The following FAM193A variants were observed in gnomAD, a reference collection of about 807,000 sequenced individuals.
FAM193A encodes family with sequence similarity 193 member A.
A neutral mutation model predicts 126.5 loss-of-function variants in FAM193A; 22 were observed. That is an observed-to-expected ratio of 0.17 (90% CI 0.12 to 0.25). FAM193A has a LOEUF of 0.25. Among genes scored for constraint, FAM193A ranks in the 10% least tolerant of loss-of-function variants. The pLI is 1.00. For synonymous variants in FAM193A, 761 were observed against 646.8 expected, an observed-to-expected ratio of 1.18 and a Z score of -2.68; for missense variants, 1,675 against 1,672.8, an observed-to-expected ratio of 1.00 and a Z score of -0.02.
intron 13 of FAM193A, among the ~76,000 whole-genome samples, chr4:2,689,009 G>A (rs550304167): frequency 6.6e-6 from 1 of 152,236 alleles, no homozygotes; most frequent in Non-Finnish European, 1.5e-5. Context: ...CTTTGAGAAC[G>A]CCCTGGTCTT....
chr4:2,562,608 C>G (rs1265292526), intron 1 of FAM193A, among the ~76,000 whole-genome samples: 1 of 151,974 alleles, frequency 6.6e-6, no homozygotes, highest in Non-Finnish European at 1.5e-5. Context: ...GCACCCACCC[C>G]CCAACTTGAT....
At chr4:2,642,797 A>G (rs201686399) in intron 6 of FAM193A, among the ~76,000 whole-genome samples, 75 of 146,940 alleles carry the variant, frequency 5.1e-4, no homozygotes, top group East Asian at 1.2e-3. Context: ...CAGTGGTGAG[A>G]TCTTGGCTCA....
At chr4:2,599,418 G>T (rs1374797399) in intron 2 of FAM193A, among the ~76,000 whole-genome samples, 6 of 152,066 alleles carry the variant, frequency 3.9e-5, no homozygotes, top group Non-Finnish European at 7.4e-5. Flanking sequence ...TCTGGTCAGG[G>T]CTCTGGTCAG....
At chr4:2,578,278 G>A (rs1316470755) in intron 1 of FAM193A, among the ~76,000 whole-genome samples, 1 of 151,942 alleles carries the variant, frequency 6.6e-6, no homozygotes, top group African/African-American at 2.4e-5. Context: ...ATTTTAATTT[G>A]CTACCCGTGC....
At chr4:2,562,058 T>G (rs978251734) in intron 1 of FAM193A, among the ~76,000 whole-genome samples, 2 of 152,222 alleles carry the variant, frequency 1.3e-5, no homozygotes, top group Non-Finnish European at 1.5e-5. Flanking sequence ...TGGACACAGT[T>G]TCCACATCTG....
intron 13 of FAM193A, among the ~76,000 whole-genome samples, chr4:2,673,424 G>A (rs1034600869): frequency 3.3e-5 from 5 of 152,140 alleles, no homozygotes; most frequent in Admixed American, 1.3e-4. Context: ...AGGGAGAGGC[G>A]TAGGTGGAAG....
At chr4:2,664,748 A>G (rs1429241023) in intron 12 of FAM193A, among the ~76,000 whole-genome samples, 1 of 151,672 alleles carries the variant, frequency 6.6e-6, no homozygotes, top group African/African-American at 2.4e-5. Context: ...TATTTTTAGT[A>G]GAGACGGGGT....
At chr4:2,648,950 C>G (rs542758640) in intron 7 of FAM193A, among the ~76,000 whole-genome samples, 94 of 152,322 alleles carry the variant, frequency 6.2e-4, no homozygotes, top group Non-Finnish European at 8.1e-4. Context: ...GCAGTCAACA[C>G]CAGAATGTCC....
chr4:2,593,761 G>A (rs1300693892), intron 1 of FAM193A, among the ~76,000 whole-genome samples: 1 of 152,220 alleles, frequency 6.6e-6, no homozygotes, highest in African/African-American at 2.4e-5. Context: ...AATTAAAAGG[G>A]CAAGCCAGAA....
chr4:2,708,123 T>C (rs1455193840), intron 19 of FAM193A: 1 of 448,220 alleles, frequency 2.2e-6, no homozygotes, highest in South Asian at 1.6e-5. Flanking sequence ...TTGATTTTTG[T>C]TTGTTTGTTT....
rs1367983572 is a variant in FAM193A, at chr4:2,676,784, TAAA to T, written c.2331+4417_2331+4419del. ...AGTGAAACCCCGTCTCTACTAAAAA[TAAA>T]AAAATTAGCCGGGTGTGGTGGCGGG... On this transcript the variant is annotated intron_variant, in intron 13 of 20. Transcript: ENST00000637812. 2.6e-5 allele frequency among the ~76,000 whole-genome samples: 4 copies of T among 151,908 alleles called. No homozygotes were observed. The East Asian group carries it at 7.8e-4, about 29-fold the overall frequency.
chr4:2,655,934 G>A (rs1282865347), intron 7 of FAM193A, among the ~76,000 whole-genome samples: 1 of 152,120 alleles, frequency 6.6e-6, no homozygotes, highest in Non-Finnish European at 1.5e-5. Flanking sequence ...TTGTCTCAAA[G>A]ATAATTTTAT....
chr4:2,686,440 A>G (rs939275564), intron 13 of FAM193A, among the ~76,000 whole-genome samples: 6 of 152,224 alleles, frequency 3.9e-5, no homozygotes, highest in African/African-American at 9.6e-5. Flanking sequence ...AAGAGTTCAC[A>G]GTCTAAAGAG....
At chr4:2,584,213 C>T (rs563115502) in intron 1 of FAM193A, among the ~76,000 whole-genome samples, 1 of 152,084 alleles carries the variant, frequency 6.6e-6, no homozygotes, top group Non-Finnish European at 1.5e-5. Context: ...GAGATCTCTC[C>T]CTATGGAATC....
At chr4:2,590,469 AAAAAAAC>A (rs1560464407) in intron 1 of FAM193A, among the ~76,000 whole-genome samples, 8 of 87,164 alleles carry the variant, frequency 9.2e-5, no homozygotes, top group African/African-American at 5.8e-4. Flanking sequence ...ATCTCAAAAA[AAAAAAAC>A]AAAAAAAAAC....
Position 2,659,641 on chromosome 4 carries a change from C to A in FAM193A, c.1473C>A (p.Pro491=). Residue 491 remains proline (P), a synonymous_variant, in exon 9 of 21, where the codon CCC becomes CCA. Transcript: ENST00000637812. Reference sequence around the variant, plus strand: ...TGTTATCGTCCCGGCTGAGCATGCCCGACTGCCCCAACTGCAACTACAGGA... The same window carrying A: ...TGTTATCGTCCCGGCTGAGCATGCCAGACTGCCCCAACTGCAACTACAGGA... ...RHMLSSRLSM[P]DCPNCNYRRR... is the part of the protein sequence containing the mutation. The A allele has an allele frequency of 6.2e-7, 1 of 1,614,076 alleles. No homozygotes were observed. Among genetic ancestry groups the A allele is most frequent in the South Asian group, 1.1e-5 (1 of 91,072 alleles).
intron 6 of FAM193A, among the ~76,000 whole-genome samples, chr4:2,644,008 G>A (rs1262722320): frequency 6.6e-6 from 1 of 152,120 alleles, no homozygotes; most frequent in African/African-American, 2.4e-5. Context: ...ATACACATTG[G>A]TAACATTACA....
chr4:2,701,005 G>A (rs1464165910), intron 19 of FAM193A, among the ~76,000 whole-genome samples: 5 of 151,840 alleles, frequency 3.3e-5, no homozygotes, highest in South Asian at 2.1e-4. Context: ...ACCCCCTCCA[G>A]TTCCCCAACT....
At chr4:2,658,598 A>G (rs17164076) in intron 8 of FAM193A, among the ~76,000 whole-genome samples, 9,149 of 152,100 alleles carry the variant, frequency 0.06, 912 homozygotes, top group African/African-American at 0.21. Flanking sequence ...GTCTTTCTGC[A>G]AATATTGGTG....
Sources: gnomAD v4.1 joint callset for allele counts (sites outside exome capture counted in the v4.1 genomes callset) on GRCh38, gnomAD v4.1.1 for gene constraint, MANE v1.5 for transcripts, NCBI Gene and HGNC (gene_info 2026-07-23, HGNC 2026-07-21) for gene names.